Variants in TUSC3 observed in about 807,000 individuals in gnomAD.
TUSC3 encodes dolichyl-diphosphooligosaccharide--protein glycosyltransferase subunit TUSC3.
Under a neutral mutation model 44.8 loss-of-function variants are expected in TUSC3, and 45 were observed. The ratio of observed to expected loss-of-function variants is 1.00; its 90% CI spans 0.79 to 1.29. TUSC3 has a LOEUF of 1.29. Ranked by LOEUF, TUSC3 falls within the 50% of genes most tolerant of loss-of-function variation. TUSC3 has a pLI of 0.00. For synonymous variants in TUSC3, 212 were observed against 152.9 expected, an observed-to-expected ratio of 1.39 and a Z score of -2.85; for missense variants, 519 against 437.9, an observed-to-expected ratio of 1.19 and a Z score of -1.65.
intron 3 of TUSC3, among the ~76,000 whole-genome samples, chr8:15,658,572 T>A (rs1807272262): frequency 6.6e-6 from 1 of 151,850 alleles, no homozygotes; most frequent in Non-Finnish European, 1.5e-5. Flanking sequence ...TGGCCTTTCA[T>A]TTTAAAACTT....
chr8:15,773,877 C>T, the TUSC3 span, among the ~76,000 whole-genome samples: 6 of 152,144 alleles, frequency 3.9e-5, no homozygotes, highest in African/African-American at 1.4e-4. Context: ...ACCCTTGCCT[C>T]ACACTGTATA....
rs189178362 is a variant in TUSC3, at chr8:15,576,357, T to A, written c.138+35789T>A. ...TAAGTTTTAGGGTACATGTGCACAT[T>A]GTGCAGGTTAGTTACATATGTATAC... is the stretch of plus-strand genomic sequence containing the variant. On this transcript the variant is annotated intron_variant, in intron 1 of 10. Transcript: ENST00000503731. Among the ~76,000 whole-genome samples the A allele has an allele frequency of 7.6e-4, 114 of 149,582 alleles. No individual in the cohort carries two copies. The East Asian group carries it at 0.021, about 27-fold the overall frequency.
Position 15,765,467 on chromosome 8 carries a change from C to T in TUSC3, c.*1311C>T, listed in dbSNP as rs182082596. ...CAGCTATATAGCCTCAAACAAGAAACGGGTGTACAACCATTGAGTTTACTT... is the reference window on the plus strand; with the variant it reads ...CAGCTATATAGCCTCAAACAAGAAATGGGTGTACAACCATTGAGTTTACTT... On this transcript the variant is annotated 3_prime_UTR_variant, in exon 11 of 11. Coordinates refer to ENST00000503731, the MANE Select transcript of TUSC3 (RefSeq NM_006765.4). 1.2e-4 allele frequency: 19 copies of T among 152,006 alleles called. No individual in the cohort carries two copies. The highest frequency in any genetic ancestry group is 3.6e-4 in the African/African-American group (15 of 41,498). The allele number at this position is 152,006 out of a possible 1,614,324, so 9.4% of individuals were successfully genotyped here.
chr8:15,744,849 C>A (rs186907631), intron 8 of TUSC3, among the ~76,000 whole-genome samples: 31 of 151,828 alleles, frequency 2.0e-4, no homozygotes, highest in South Asian at 6.3e-4. Context: ...ATAAGTTTGT[C>A]CCATGGGTAT....
At chr8:15,762,973 C>T (rs1478582369) in intron 10 of TUSC3, among the ~76,000 whole-genome samples, 1 of 151,974 alleles carries the variant, frequency 6.6e-6, no homozygotes, top group African/African-American at 2.4e-5. Context: ...GTAGAGGCGA[C>T]GTCTCATTGC....
At chr8:15,675,611 C>T (rs561086555) in intron 6 of TUSC3, among the ~76,000 whole-genome samples, 1 of 152,176 alleles carries the variant, frequency 6.6e-6, no homozygotes, top group South Asian at 2.1e-4. Flanking sequence ...CCTCTACCCT[C>T]TAATAGGCTG....
intron 2 of TUSC3, among the ~76,000 whole-genome samples, chr8:15,507,796 GA>G (rs1455890437): frequency 3.3e-5 from 5 of 151,734 alleles, no homozygotes; most frequent in African/African-American, 1.2e-4. Context: ...ATGATGTAAG[GA>G]AAAAACTATA....
At chr8:15,623,874 G>A (rs1208343309) in intron 2 of TUSC3, among the ~76,000 whole-genome samples, 1 of 152,058 alleles carries the variant, frequency 6.6e-6, no homozygotes, top group Admixed American at 6.6e-5. Flanking sequence ...TCACAAGTAG[G>A]GTACTGGCAT....
intron 2 of TUSC3, among the ~76,000 whole-genome samples, chr8:15,494,977 A>C (rs527799821): frequency 1.3e-5 from 2 of 152,322 alleles, no homozygotes; most frequent in East Asian, 1.9e-4. Context: ...CTCAATGTTT[A>C]GCTCCCACTT....
At chr8:15,739,783 A>T (rs1488844111) in intron 7 of TUSC3, among the ~76,000 whole-genome samples, 1 of 152,320 alleles carries the variant, frequency 6.6e-6, no homozygotes, top group East Asian at 1.9e-4. Flanking sequence ...TCTTTGCCCA[A>T]TGCTTGTTAT....
intron 7 of TUSC3, among the ~76,000 whole-genome samples, chr8:15,741,356 T>TCA (rs1811189027): frequency 6.6e-6 from 1 of 152,190 alleles, no homozygotes. Context: ...GAATGTATGT[T>TCA]TTACTTTTAA....
chr8:15,806,237 G>A, the TUSC3 span: 1 of 556,720 alleles, frequency 1.8e-6, no homozygotes, highest in Non-Finnish European at 3.4e-6. Flanking sequence ...CATTTTGCTT[G>A]TTTGCCAATT....
the TUSC3 span, among the ~76,000 whole-genome samples, chr8:15,783,420 A>G: frequency 2.0e-5 from 3 of 152,232 alleles, no homozygotes; most frequent in Non-Finnish European, 4.4e-5. Context: ...AGCTGAAGCA[A>G]TCATGAGCAA....
chr8:15,581,537 G>A (rs991603688), intron 1 of TUSC3, among the ~76,000 whole-genome samples: 36 of 148,226 alleles, frequency 2.4e-4, no homozygotes, highest in African/African-American at 6.6e-4. Flanking sequence ...CCTTCTAACA[G>A]ACAGGACCCT....
At chr8:15,447,077 T>G in intron 1 of TUSC3, among the ~76,000 whole-genome samples, 1 of 150,496 alleles carries the variant, frequency 6.6e-6, no homozygotes, top group East Asian at 1.9e-4. Flanking sequence ...GATAAGATAA[T>G]GAGAAAAGAT....
In TUSC3 at chr8:15,606,931, GTGTGTA is replaced by G. The variant is rs1804554231; in HGVS notation, c.139-16141_139-16136del. Among the ~76,000 whole-genome samples, 3 of 152,032 alleles carry G rather than the reference GTGTGTA, an allele frequency of 2.0e-5. No homozygotes were observed. The South Asian group carries it at 6.2e-4, about 31-fold the overall frequency. ...TTAATAAAACATTGTGTGTGTGTGT[GTGTGTA>G]TGTGTATATGTGTATATATATACTT... On this transcript the variant is annotated intron_variant, in intron 1 of 10. Transcript: ENST00000503731.
chr8:15,772,975 A>G, the TUSC3 span, among the ~76,000 whole-genome samples: 4 of 13,702 alleles, frequency 2.9e-4, no homozygotes, highest in Non-Finnish European at 6.4e-4. Flanking sequence ...AAAAGTGAAC[A>G]CAAACACTCA....
At chr8:15,428,605 A>G (rs969455655) in intron 1 of TUSC3, among the ~76,000 whole-genome samples, 1 of 152,054 alleles carries the variant, frequency 6.6e-6, no homozygotes, top group Non-Finnish European at 1.5e-5. Context: ...AAGTGTTCCT[A>G]TTTCTCCACA....
At chr8:15,782,971 G>T in the TUSC3 span, among the ~76,000 whole-genome samples, 1 of 151,992 alleles carries the variant, frequency 6.6e-6, no homozygotes, top group African/African-American at 2.4e-5. Context: ...AAATACTAAA[G>T]ACTCCACCAA....
Sources: gnomAD v4.1 joint callset for allele counts (sites outside exome capture counted in the v4.1 genomes callset) on GRCh38, gnomAD v4.1.1 for gene constraint, MANE v1.5 for transcripts, NCBI Gene and HGNC (gene_info 2026-07-23, HGNC 2026-07-21) for gene names.